Variants in SNX29 observed in about 807,000 individuals in gnomAD.
SNX29 encodes the protein sorting nexin-29.
A neutral mutation model predicts 102.1 loss-of-function variants in SNX29; 78 were observed. The observed-to-expected ratio is 0.76, with a 90% CI of 0.64 to 0.92. SNX29 has a LOEUF of 0.92. Ranked by LOEUF, SNX29 falls within the 40% of genes least tolerant of loss-of-function variation. The pLI is 0.00. For missense variants in SNX29, 1,280 were observed against 1,061.7 expected, an observed-to-expected ratio of 1.21 and a Z score of -2.86; for synonymous variants, 580 against 414.5, an observed-to-expected ratio of 1.40 and a Z score of -4.85.
intron 15 of SNX29, among the ~76,000 whole-genome samples, chr16:12,311,537 C>T (rs1474973785): frequency 6.6e-6 from 1 of 152,254 alleles, no homozygotes; most frequent in Non-Finnish European, 1.5e-5. Flanking sequence ...GAGCTTGCAG[C>T]TCCCTCTGCC....
chr16:12,564,661 A>T (rs534557776), intron 20 of SNX29, among the ~76,000 whole-genome samples: 1 of 152,182 alleles, frequency 6.6e-6, no homozygotes, highest in Non-Finnish European at 1.5e-5. Flanking sequence ...GGAATGGAAC[A>T]TATCTTGTCC....
chr16:12,048,439 T>C lies in SNX29; in HGVS notation c.567T>C (p.Ala189=), dbSNP rs145153392. 5.6e-6 allele frequency: 9 copies of C among 1,613,636 alleles called. No individual in the cohort carries two copies. In the African/African-American group the frequency reaches 1.1e-4, roughly 19 times the overall value. The change falls in exon 7 of 21, where the codon GCT becomes GCC. Residue 189 remains alanine (A), a synonymous_variant. Transcript: ENST00000566228. ...ATTTGAACGGGCAGAGTAAGTTTGC[T>C]CCCACCGTTTCAGACCTCTTAAAGG... The part of the protein sequence containing the change: ...NKDLNGQSKF[A]PTVSDLLKES...
At chr16:12,534,480 G>C (rs540475447) in intron 20 of SNX29, among the ~76,000 whole-genome samples, 2 of 152,180 alleles carry the variant, frequency 1.3e-5, no homozygotes, top group Non-Finnish European at 2.9e-5. Flanking sequence ...TTTTGTTTTC[G>C]GGGTTTGTTT....
chr16:12,515,590 C>T (rs560940822), intron 19 of SNX29: 13 of 490,088 alleles, frequency 2.7e-5, no homozygotes, highest in Admixed American at 1.4e-4. Flanking sequence ...TCTGAATCTT[C>T]AGGTGACCTC....
rs2086725906 is a variant in SNX29, at chr16:12,460,325, C to T, written c.2038-17394C>T. Among the ~76,000 whole-genome samples the T allele has an allele frequency of 3.9e-5, 6 of 152,238 alleles. No homozygotes were observed. The South Asian group carries it at 1.2e-3, about 31-fold the overall frequency. Reference sequence around the variant, plus strand: ...CTTTAGTATTTTCAGAGTTGAGTGCCTTGCTTGTTCAAATGCCAAGATTAT... The same window carrying T: ...CTTTAGTATTTTCAGAGTTGAGTGCTTTGCTTGTTCAAATGCCAAGATTAT... On this transcript the variant is annotated intron_variant, in intron 18 of 20. Coordinates refer to ENST00000566228, the MANE Select transcript of SNX29 (RefSeq NM_032167.5).
chr16:12,437,514 G>A (rs974441725), intron 18 of SNX29, among the ~76,000 whole-genome samples: 2 of 152,214 alleles, frequency 1.3e-5, no homozygotes, highest in African/African-American at 4.8e-5. Context: ...CTGAGTCTCA[G>A]GACATACATA....
chr16:12,547,695 C>G (rs1395688945), intron 20 of SNX29, among the ~76,000 whole-genome samples: 2 of 152,170 alleles, frequency 1.3e-5, no homozygotes, highest in African/African-American at 2.4e-5. Context: ...CCCCCGCGTT[C>G]CTGTCTGGGA....
chr16:12,311,316 A>G (rs1400792817), intron 15 of SNX29, among the ~76,000 whole-genome samples: 1 of 152,182 alleles, frequency 6.6e-6, no homozygotes, highest in African/African-American at 2.4e-5. Context: ...GGGGACAGGA[A>G]TTGAAGCCCT....
At chr16:12,547,914 G>A (rs1033272459) in intron 20 of SNX29, among the ~76,000 whole-genome samples, 1 of 152,116 alleles carries the variant, frequency 6.6e-6, no homozygotes, top group South Asian at 2.1e-4. Context: ...CTGCTCTTAG[G>A]GGTTCAGGGA....
chr16:12,140,064 C>T (rs1037091741), intron 13 of SNX29, among the ~76,000 whole-genome samples: 3 of 151,522 alleles, frequency 2.0e-5, no homozygotes, highest in African/African-American at 4.9e-5. Flanking sequence ...CCCTAAACTG[C>T]CTAAGAAAAA....
chr16:12,559,373 ATC>A (rs2078579739), intron 20 of SNX29, among the ~76,000 whole-genome samples: 1 of 151,034 alleles, frequency 6.6e-6, no homozygotes, highest in African/African-American at 2.4e-5. Context: ...ATGCCTGATG[ATC>A]TCTCACCCTC....
intron 13 of SNX29, among the ~76,000 whole-genome samples, chr16:12,144,395 C>G (rs1327531631): frequency 6.6e-6 from 1 of 152,148 alleles, no homozygotes; most frequent in Non-Finnish European, 1.5e-5. Flanking sequence ...AAGGTTGTCC[C>G]TCTAAAACTC....
At chr16:12,368,200 T>C (rs2082555880) in intron 16 of SNX29, among the ~76,000 whole-genome samples, 1 of 152,222 alleles carries the variant, frequency 6.6e-6, no homozygotes, top group African/African-American at 2.4e-5. Flanking sequence ...GGCTGGACTC[T>C]AGGGTTTGAG....
chr16:12,430,553 G>C (rs1567555037), intron 18 of SNX29, among the ~76,000 whole-genome samples: 1 of 152,160 alleles, frequency 6.6e-6, no homozygotes, highest in Admixed American at 6.5e-5. Context: ...TTATTCATTT[G>C]TAAAATGAGC....
intron 8 of SNX29, chr16:12,053,007 T>C (rs1444978446): frequency 6.6e-6 from 1 of 152,136 alleles, no homozygotes; most frequent in Non-Finnish European, 1.5e-5. Context: ...AACAGTGGAG[T>C]TGGCCAGGCG....
chr16:12,104,695 G>A (rs546107176), intron 11 of SNX29, among the ~76,000 whole-genome samples: 3 of 152,172 alleles, frequency 2.0e-5, no homozygotes, highest in Non-Finnish European at 2.9e-5. Context: ...TTTTCATAAA[G>A]TGTAGTTGGA....
At chr16:12,548,723 C>A (rs1011211572) in intron 20 of SNX29, among the ~76,000 whole-genome samples, 1 of 152,250 alleles carries the variant, frequency 6.6e-6, no homozygotes, top group African/African-American at 2.4e-5. Context: ...AGGAGGGGTA[C>A]ATCCAGGGCT....
At chr16:12,529,613 A>G (rs77396544) in intron 20 of SNX29, among the ~76,000 whole-genome samples, 2 of 152,188 alleles carry the variant, frequency 1.3e-5, no homozygotes, top group Non-Finnish European at 2.9e-5. Flanking sequence ...AGAGTAATGT[A>G]GGTCACAGCA....
chr16:12,326,116 C>T (rs771517266), intron 15 of SNX29, among the ~76,000 whole-genome samples: 37 of 151,864 alleles, frequency 2.4e-4, no homozygotes, highest in Non-Finnish European at 4.0e-4. Context: ...ACCTCTGCCT[C>T]CCGGGTTCAA....
Sources: gnomAD v4.1 joint callset for allele counts (sites outside exome capture counted in the v4.1 genomes callset) on GRCh38, gnomAD v4.1.1 for gene constraint, MANE v1.5 for transcripts, NCBI Gene and HGNC (gene_info 2026-07-23, HGNC 2026-07-21) for gene names.